The following SLC39A11 variants were observed in gnomAD, a reference collection of about 807,000 sequenced individuals.
SLC39A11 encodes zinc transporter ZIP11.
SLC39A11 carries 33 observed loss-of-function variants against 36.1 expected under a neutral mutation model. The observed-to-expected ratio is 0.91, with a 90% CI of 0.69 to 1.22. The LOEUF (loss-of-function observed/expected upper bound fraction) is 1.22. Ranked by LOEUF, SLC39A11 falls within the 50% of genes most tolerant of loss-of-function variation. The pLI is 0.00. For missense variants in SLC39A11, 432 were observed against 430.3 expected (o/e 1.00, Z -0.03); for synonymous variants, 166 against 170.3 (o/e 0.97, Z 0.20).
intron 7 of SLC39A11, among the ~76,000 whole-genome samples, chr17:72,722,385 T>C (rs1454822660): frequency 2.0e-5 from 3 of 152,216 alleles, no homozygotes; most frequent in African/African-American, 7.2e-5. Flanking sequence ...AATTGCAGAG[T>C]CCAGATCATC....
chr17:72,849,645 T>C lies in SLC39A11; in HGVS notation c.590A>G (p.His197Arg). Reference sequence around the variant, plus strand: ...GGGCAAGACCTCACCTGGAACGTTGTGTATAGTGATGGCCAAGATGAGCAG... The same window carrying C: ...GGGCAAGACCTCACCTGGAACGTTGCGTATAGTGATGGCCAAGATGAGCAG... Reference protein sequence around the residue: ...IALLILAITIHNVPEGLAVGV... With the variant: ...IALLILAITIRNVPEGLAVGV... The change falls in exon 6 of 10, where the codon CAC becomes CGC. Residue 197 changes from histidine to arginine, a missense_variant. By Grantham distance (29) the His-to-Arg change is conservative. Transcript: ENST00000255559. 1.3e-6 allele frequency: 2 copies of C among 1,557,568 alleles called. No homozygotes were observed. Among genetic ancestry groups the C allele is most frequent in the East Asian group, 2.3e-5 (1 of 43,336 alleles).
chr17:72,754,556 C>A (rs1341495432), intron 6 of SLC39A11, among the ~76,000 whole-genome samples: 1 of 149,512 alleles, frequency 6.7e-6, no homozygotes, highest in African/African-American at 2.5e-5. Context: ...GTGTGGGAAT[C>A]ATAAAGGTAG....
chr17:72,883,288 G>A (rs952678408), intron 5 of SLC39A11, among the ~76,000 whole-genome samples: 16 of 152,128 alleles, frequency 1.1e-4, no homozygotes, highest in African/African-American at 4.8e-5. Context: ...ACCCTCACAG[G>A]CCTGGATGTT....
chr17:72,718,767 G>GCTTTC (rs2073520601), intron 7 of SLC39A11, among the ~76,000 whole-genome samples: 1 of 152,318 alleles, frequency 6.6e-6, no homozygotes, highest in South Asian at 2.1e-4. Flanking sequence ...ATAATTTCCA[G>GCTTTC]CTTTCTTGAT....
At chr17:72,767,923 A>T (rs1243800026) in intron 6 of SLC39A11, among the ~76,000 whole-genome samples, 1 of 152,158 alleles carries the variant, frequency 6.6e-6, no homozygotes, top group Non-Finnish European at 1.5e-5. Flanking sequence ...TTAGTACTCA[A>T]ATCAATCGCA....
At chr17:72,648,034 T>C in intron 9 of SLC39A11, among the ~76,000 whole-genome samples, 1 of 152,094 alleles carries the variant, frequency 6.6e-6, no homozygotes, top group South Asian at 2.1e-4. Context: ...TATTCTTCTA[T>C]AAAAACCAAA....
At chr17:72,892,187 C>T (rs953595681) in intron 5 of SLC39A11, among the ~76,000 whole-genome samples, 9 of 152,166 alleles carry the variant, frequency 5.9e-5, no homozygotes, top group Non-Finnish European at 1.0e-4. Context: ...GTGGGCAGAT[C>T]ACCTAAAGTC....
At chr17:72,761,184 G>A (rs779917299) in intron 6 of SLC39A11, among the ~76,000 whole-genome samples, 40 of 152,114 alleles carry the variant, frequency 2.6e-4, no homozygotes, top group Non-Finnish European at 4.3e-4. Flanking sequence ...GCATGATCTC[G>A]GTTCACTGCA....
At chr17:73,076,802 C>CTTTT (rs76799031) in intron 3 of SLC39A11, among the ~76,000 whole-genome samples, 1 of 139,446 alleles carries the variant, frequency 7.2e-6, no homozygotes, top group Admixed American at 7.2e-5. Flanking sequence ...TTCTTTTTTT[C>CTTTT]TTTTTTTTTT....
At chr17:72,876,338 G>A (rs2080895365) in intron 5 of SLC39A11, among the ~76,000 whole-genome samples, 1 of 152,198 alleles carries the variant, frequency 6.6e-6, no homozygotes, top group Non-Finnish European at 1.5e-5. Context: ...CCAAAGTCAA[G>A]TACAAAGAAG....
chr17:72,872,753 C>A (rs1024284471), intron 5 of SLC39A11, among the ~76,000 whole-genome samples: 1 of 152,108 alleles, frequency 6.6e-6, no homozygotes, highest in African/African-American at 2.4e-5. Context: ...CAATTGGCCA[C>A]CAGGTTAGAA....
At chr17:72,992,262 G>A (rs1020849904) in intron 4 of SLC39A11, among the ~76,000 whole-genome samples, 4 of 152,172 alleles carry the variant, frequency 2.6e-5, no homozygotes, top group African/African-American at 4.8e-5. Flanking sequence ...ACTGAGGCAG[G>A]AGAATTGCTT....
intron 6 of SLC39A11, among the ~76,000 whole-genome samples, chr17:72,834,355 C>T (rs1461813959): frequency 1.3e-5 from 2 of 152,222 alleles, no homozygotes; most frequent in Non-Finnish European, 2.9e-5. Flanking sequence ...GGCACGGTGG[C>T]TCACGCCTAT....
chr17:72,821,978 A>C (rs2077801717), intron 6 of SLC39A11: 1 of 151,370 alleles, frequency 6.6e-6, no homozygotes, highest in Non-Finnish European at 1.5e-5. Flanking sequence ...GGGTCCAAAC[A>C]GGTCCACCTT....
At chr17:72,865,827 C>CAT (rs1454719399) in intron 5 of SLC39A11, among the ~76,000 whole-genome samples, 3 of 152,094 alleles carry the variant, frequency 2.0e-5, no homozygotes, top group Admixed American at 2.0e-4. Context: ...AAAATAACCA[C>CAT]ATACAACCAA....
intron 3 of SLC39A11, among the ~76,000 whole-genome samples, chr17:73,040,143 C>T (rs1231344078): frequency 6.6e-6 from 1 of 152,152 alleles, no homozygotes; most frequent in Non-Finnish European, 1.5e-5. Flanking sequence ...AAATTTGTGG[C>T]CACTAATGAA....
intron 5 of SLC39A11, among the ~76,000 whole-genome samples, chr17:72,894,432 G>A (rs1467363796): frequency 1.4e-5 from 2 of 147,246 alleles, no homozygotes; most frequent in Non-Finnish European, 3.0e-5. Flanking sequence ...CACTTTGGGA[G>A]GCTGAGGTGG....
chr17:72,742,027 C>A (rs937916236), intron 6 of SLC39A11, among the ~76,000 whole-genome samples: 1 of 152,122 alleles, frequency 6.6e-6, no homozygotes, highest in East Asian at 1.9e-4. Context: ...CATGGTGAAA[C>A]CTCGTCTCTA....
intron 6 of SLC39A11, among the ~76,000 whole-genome samples, chr17:72,755,248 G>A (rs2075326467): frequency 6.6e-6 from 1 of 152,250 alleles, no homozygotes; most frequent in Admixed American, 6.5e-5. Flanking sequence ...GGAAACCTTT[G>A]CAAGTAAAGT....
Sources: gnomAD v4.1 joint callset for allele counts (sites outside exome capture counted in the v4.1 genomes callset) on GRCh38, gnomAD v4.1.1 for gene constraint, MANE v1.5 for transcripts, NCBI Gene and HGNC (gene_info 2026-07-23, HGNC 2026-07-21) for gene names.